CFAP92: variants seen among roughly 807,000 people sequenced by gnomAD.
CFAP92 encodes the protein cilia and flagella associated protein 92 (putative).
A neutral mutation model predicts 106.3 loss-of-function variants in CFAP92; 86 were observed. The observed-to-expected ratio is 0.81, with a 90% confidence interval of 0.68 to 0.97. CFAP92 has a LOEUF of 0.97. Ranked by LOEUF, CFAP92 falls within the 50% of genes least tolerant of loss-of-function variation. The pLI is 0.00. For synonymous variants in CFAP92, 477 were observed against 506.4 expected, an observed-to-expected ratio of 0.94 and a Z score of 0.78; for missense variants, 1,204 against 1,283.8, an observed-to-expected ratio of 0.94 and a Z score of 0.95.
the CFAP92 span, among the ~76,000 whole-genome samples, chr3:129,026,745 T>C: frequency 6.6e-6 from 1 of 152,170 alleles, no homozygotes; most frequent in African/African-American, 2.4e-5. Flanking sequence ...AGGGAGATAC[T>C]GGCACCTCCC....
intron 15 of CFAP92, among the ~76,000 whole-genome samples, chr3:128,911,619 G>A (rs1936332269): frequency 6.6e-6 from 1 of 151,438 alleles, no homozygotes; most frequent in South Asian, 2.1e-4. Flanking sequence ...TGTATTTTTA[G>A]TAGAAACAAA....
upstream of CFAP92, chr3:128,994,161 G>A (rs1944391936): frequency 3.0e-6 from 3 of 985,498 alleles, no homozygotes; most frequent in Non-Finnish European, 3.6e-6. Flanking sequence ...GCGAGGGCGT[G>A]CGGCCTGGGG....
intron 9 of CFAP92, among the ~76,000 whole-genome samples, chr3:128,949,750 G>A (rs533285397): frequency 2.0e-5 from 3 of 152,260 alleles, no homozygotes; most frequent in Admixed American, 1.3e-4. Flanking sequence ...GCAATGGCGC[G>A]ATCTTGGCTC....
At chr3:128,975,695 T>C (rs754387122) in intron 7 of CFAP92, 84 bp downstream of exon 7, 6 of 1,155,538 alleles carry the variant, frequency 5.2e-6, no homozygotes, top group African/African-American at 3.2e-5. Context: ...AAGAATCTCA[T>C]TGAAGTATCC....
In CFAP92 at chr3:128,915,505, AGGGGCTCCACCAT is replaced by A. The variant is rs1936738407; in HGVS notation, c.2962_2974del (p.Met988TrpfsTer3). ...TTTCTTCTCCTCTTCCTTCAAGTCC[AGGGGCTCCACCAT>A]GGCTGAGAGGTAATCCTGTGAGTAC... is the stretch of plus-strand genomic sequence containing the variant. On this transcript the variant is annotated frameshift_variant, in exon 14 of 16. Transcript: ENST00000645291. LOFTEE classifies it high-confidence loss of function. 4 of 1,535,976 alleles carry A rather than the reference AGGGGCTCCACCAT, an allele frequency of 2.6e-6. No homozygotes were observed. The highest frequency in any genetic ancestry group is 2.6e-6 in the Non-Finnish European group (3 of 1,146,858).
chr3:128,915,084 C>G (rs1936694982), intron 15 of CFAP92, 35 bp downstream of exon 15: 1 of 1,528,772 alleles, frequency 6.5e-7, no homozygotes, highest in Non-Finnish European at 8.8e-7. Flanking sequence ...CCCACGGCAT[C>G]AGGAGGCCCA....
chr3:128,919,952 A>G (rs1937132192), intron 12 of CFAP92, among the ~76,000 whole-genome samples: 2 of 152,356 alleles, frequency 1.3e-5, no homozygotes, highest in South Asian at 4.1e-4. Flanking sequence ...CATCTCTGGA[A>G]TAAGACATCA....
Position 128,911,035 on chromosome 3 carries a change from A to ATG in CFAP92, c.3281-704_3281-703dup, listed in dbSNP as rs375679286. Among the ~76,000 whole-genome samples the ATG allele has an allele frequency of 1.8e-4, 28 of 152,086 alleles. No individual in the cohort carries two copies. The South Asian group carries it at 1.9e-3, about 10-fold the overall frequency. On this transcript the variant is annotated intron_variant, in intron 15 of 15. Coordinates refer to ENST00000645291, the MANE Select transcript of CFAP92 (RefSeq NM_001394090.1). The stretch of plus-strand genomic sequence containing the variant: ...TTCACCAAGGCAGTTGTATGTATAT[A>ATG]TGTGTGTGTGTGTATGTATGTATGT...
intron 7 of CFAP92, among the ~76,000 whole-genome samples, chr3:128,974,806 G>A (rs978167713): frequency 1.3e-5 from 2 of 151,714 alleles, no homozygotes; most frequent in African/African-American, 4.8e-5. Context: ...GGGCAATAGA[G>A]TGAGGCTCCC....
intron 2 of CFAP92, among the ~76,000 whole-genome samples, chr3:128,992,353 G>A (rs113898461): frequency 0.026 from 3,886 of 152,216 alleles, 75 homozygotes; most frequent in Non-Finnish European, 0.035. Context: ...CCTGAGGTCA[G>A]GGGTTCGAGA....
At chr3:129,006,180 C>A (rs1448659158), upstream of CFAP92, among the ~76,000 whole-genome samples, 1 of 152,270 alleles carries the variant, frequency 6.6e-6, no homozygotes, top group African/African-American at 2.4e-5. Context: ...CCTGGCCCCA[C>A]TGCCTGTGTG....
upstream of CFAP92, among the ~76,000 whole-genome samples, chr3:128,995,964 G>A (rs528524545): frequency 1.2e-4 from 18 of 152,212 alleles, no homozygotes; most frequent in Non-Finnish European, 2.5e-4. Flanking sequence ...TCTGGAAACT[G>A]GGCAGACCTC....
At chr3:128,966,991 T>G (rs1430440409) in intron 8 of CFAP92, 1 of 152,210 alleles carries the variant, frequency 6.6e-6, no homozygotes, top group Non-Finnish European at 1.5e-5. Flanking sequence ...AGGATTGACC[T>G]GGGTTTGAAT....
chr3:129,002,100 G>T (rs1248207380), intron 1 of CFAP92: 1 of 1,503,512 alleles, frequency 6.7e-7, no homozygotes, highest in Non-Finnish European at 8.9e-7. Context: ...CACCCGTGCG[G>T]GGCCCCGGCT....
chr3:128,986,229 C>T (rs1368540541), intron 4 of CFAP92, among the ~76,000 whole-genome samples: 1 of 148,854 alleles, frequency 6.7e-6, no homozygotes, highest in Non-Finnish European at 1.5e-5. Context: ...CTAATATGTA[C>T]ATCTGTTTTA....
At chr3:128,979,947 A>AAT (rs375673134) in intron 4 of CFAP92, among the ~76,000 whole-genome samples, 6,460 of 128,068 alleles carry the variant, frequency 0.05, 160 homozygotes, top group Admixed American at 0.072. Context: ...AAAGTATAAT[A>AAT]ATATATATAT....
At chr3:128,977,278 G>A (rs1351424158) in intron 5 of CFAP92, among the ~76,000 whole-genome samples, 1 of 152,064 alleles carries the variant, frequency 6.6e-6, no homozygotes, top group Non-Finnish European at 1.5e-5. Context: ...GAGACCTCCA[G>A]TTCCTTACAT....
intron 11 of CFAP92, among the ~76,000 whole-genome samples, chr3:128,933,420 T>A (rs558304383): frequency 4.0e-5 from 6 of 150,756 alleles, no homozygotes; most frequent in Admixed American, 2.0e-4. Flanking sequence ...GGAGAGAGAG[T>A]CCTCAGCAAA....
intron 12 of CFAP92, among the ~76,000 whole-genome samples, chr3:128,926,158 T>G (rs968159450): frequency 2.0e-5 from 3 of 152,164 alleles, no homozygotes; most frequent in Non-Finnish European, 2.9e-5. Flanking sequence ...AAAGGAGATA[T>G]CCAAATAGCC....
Sources: allele counts gnomAD v4.1 joint callset (sites outside exome capture counted in the v4.1 genomes callset), GRCh38; gene constraint gnomAD v4.1.1; transcripts MANE v1.5; gene names NCBI Gene and HGNC (gene_info 2026-07-23, HGNC 2026-07-21).